Variants in DPP10 observed in about 807,000 individuals in gnomAD.
The protein encoded by DPP10 is inactive dipeptidyl peptidase 10.
In DPP10, 33 loss-of-function variants were observed where a neutral mutation model predicts 120.9. The ratio of observed to expected loss-of-function variants is 0.27; its 90% CI spans 0.21 to 0.37. The LOEUF is 0.37. Ranked by LOEUF, DPP10 falls within the 10% of genes least tolerant of loss-of-function variation. DPP10 has a pLI of 1.00. For missense variants in DPP10, 816 were observed against 942.8 expected (o/e 0.87, Z 1.76); for synonymous variants, 337 against 326.1 (o/e 1.03, Z -0.36).
At chr2:115,463,227 G>C (rs1426648423) in intron 3 of DPP10, among the ~76,000 whole-genome samples, 1 of 152,078 alleles carries the variant, frequency 6.6e-6, no homozygotes, top group African/African-American at 2.4e-5. Flanking sequence ...TAAGTTCTTT[G>C]CAGAGCATTT....
chr2:114,657,934 C>G (rs1218736507), intron 1 of DPP10, among the ~76,000 whole-genome samples: 6 of 152,106 alleles, frequency 3.9e-5, no homozygotes, highest in Admixed American at 3.3e-4. Context: ...AATTTACAGT[C>G]CAACCTACGC....
intron 4 of DPP10, among the ~76,000 whole-genome samples, chr2:115,514,694 A>G (rs2077407713): frequency 6.6e-6 from 1 of 151,886 alleles, no homozygotes; most frequent in Non-Finnish European, 1.5e-5. Context: ...CCACATTACA[A>G]GTTTTCAATA....
chr2:114,771,301 G>GT (rs1681227644), intron 1 of DPP10, among the ~76,000 whole-genome samples: 1 of 152,138 alleles, frequency 6.6e-6, no homozygotes. Context: ...CACTGTGGCC[G>GT]TATCATACCA....
chr2:115,001,540 G>A (rs759612404), intron 1 of DPP10, among the ~76,000 whole-genome samples: 3 of 152,062 alleles, frequency 2.0e-5, no homozygotes, highest in Non-Finnish European at 2.9e-5. Context: ...GAAAGTCCCC[G>A]ACAGAGCAAT....
chr2:115,057,789 G>A (rs1018084924), intron 1 of DPP10, among the ~76,000 whole-genome samples: 2 of 152,118 alleles, frequency 1.3e-5, no homozygotes, highest in African/African-American at 4.8e-5. Context: ...AGTTGGACAA[G>A]GCTTTGAAGG....
At chr2:115,094,698 A>G (rs972131442) in intron 1 of DPP10, among the ~76,000 whole-genome samples, 12 of 152,178 alleles carry the variant, frequency 7.9e-5, no homozygotes, top group African/African-American at 2.7e-4. Context: ...TGAATTACCC[A>G]CACAAGTAAT....
intron 1 of DPP10, chr2:115,234,378 C>T (rs147062511): frequency 1.2e-3 from 183 of 158,314 alleles, no homozygotes; most frequent in African/African-American, 4.0e-3. Context: ...CCTTTGCATG[C>T]GTCACGTTTC....
chr2:115,277,962 G>A (rs1197792247), intron 1 of DPP10, among the ~76,000 whole-genome samples: 2 of 152,164 alleles, frequency 1.3e-5, no homozygotes, highest in Non-Finnish European at 2.9e-5. Flanking sequence ...AATGTGGAAA[G>A]GCCTCAATTA....
At chr2:115,484,107 A>G (rs996565689) in intron 3 of DPP10, among the ~76,000 whole-genome samples, 3 of 142,332 alleles carry the variant, frequency 2.1e-5, no homozygotes, top group Non-Finnish European at 4.6e-5. Context: ...CATATTTCCT[A>G]TCACAGACTC....
intron 3 of DPP10, among the ~76,000 whole-genome samples, chr2:115,405,975 C>G (rs1264803206): frequency 6.6e-6 from 1 of 152,238 alleles, no homozygotes; most frequent in Non-Finnish European, 1.5e-5. Flanking sequence ...TTGTTCTCTT[C>G]ACACTAATCT....
At chr2:115,568,174 G>A (rs1296706625) in intron 5 of DPP10, among the ~76,000 whole-genome samples, 89 of 124,268 alleles carry the variant, frequency 7.2e-4, no homozygotes, top group African/African-American at 2.4e-3. Context: ...GAGAGACTCC[G>A]TCTCAAAAAA....
intron 1 of DPP10, among the ~76,000 whole-genome samples, chr2:114,999,181 A>G (rs1701280180): frequency 6.6e-6 from 1 of 152,170 alleles, no homozygotes; most frequent in Non-Finnish European, 1.5e-5. Flanking sequence ...ACATAAAAGG[A>G]GCAAAGTAAA....
chr2:115,302,085 G>A (rs769156444), intron 1 of DPP10, among the ~76,000 whole-genome samples: 9 of 152,026 alleles, frequency 5.9e-5, no homozygotes, highest in Non-Finnish European at 1.3e-4. Context: ...CAAAGGGGAA[G>A]CAAATACATG....
chr2:114,630,067 T>A (rs978376369), intron 1 of DPP10, among the ~76,000 whole-genome samples: 1 of 152,160 alleles, frequency 6.6e-6, no homozygotes, highest in African/African-American at 2.4e-5. Flanking sequence ...CTATGTAACT[T>A]GATAAAATTT....
intron 1 of DPP10, among the ~76,000 whole-genome samples, chr2:115,071,261 C>CT (rs1316441124): frequency 1.1e-4 from 16 of 152,006 alleles, no homozygotes; most frequent in Admixed American, 7.2e-4. Flanking sequence ...GTTCTATACT[C>CT]TTTTTTCTTT....
intron 1 of DPP10, among the ~76,000 whole-genome samples, chr2:114,893,654 AAC>A (rs1399390354): frequency 2.0e-5 from 3 of 152,188 alleles, no homozygotes; most frequent in African/African-American, 7.2e-5. Flanking sequence ...GTGATTTCAA[AAC>A]AAAGTTTGAT....
At chr2:115,603,802 T>C (rs2149225680) in intron 5 of DPP10, among the ~76,000 whole-genome samples, 1 of 152,286 alleles carries the variant, frequency 6.6e-6, no homozygotes, top group East Asian at 1.9e-4. Flanking sequence ...AGTTTCTTTA[T>C]TCTGTAAGAT....
intron 1 of DPP10, among the ~76,000 whole-genome samples, chr2:115,111,817 A>G (rs13030476): frequency 0.27 from 40,574 of 152,162 alleles, 5,809 homozygotes; most frequent in Non-Finnish European, 0.31. Context: ...AACTGGGTTT[A>G]GTTTTTTCAT....
At chr2:114,566,095 C>A (rs780129305) in intron 1 of DPP10, among the ~76,000 whole-genome samples, 1 of 152,066 alleles carries the variant, frequency 6.6e-6, no homozygotes, top group Admixed American at 6.6e-5. Flanking sequence ...AGAAAGCAGG[C>A]GAGGGAGACA....
Sources: gnomAD v4.1 joint callset for allele counts (sites outside exome capture counted in the v4.1 genomes callset) on GRCh38, gnomAD v4.1.1 for gene constraint, MANE v1.5 for transcripts, NCBI Gene and HGNC (gene_info 2026-07-23, HGNC 2026-07-21) for gene names.